The following TIFAB variants were observed in gnomAD, a reference collection of about 807,000 sequenced individuals.
TIFAB encodes the protein TRAF-interacting protein with FHA domain-containing protein B.
For synonymous variants in TIFAB, 116 were observed against 95.2 expected (o/e 1.22, Z -1.27); for missense variants, 222 against 203.6 (o/e 1.09, Z -0.55).
In TIFAB at chr5:135,446,870, A is replaced by C; in HGVS notation, c.*2584T>G. On this transcript the variant is annotated 3_prime_UTR_variant, in exon 2 of 2. Coordinates refer to ENST00000537858, the MANE Select transcript of TIFAB (RefSeq NM_001099221.2). ...GAATTGAACTGCCCCCTCTCGCAGG[A>C]CCCCAGCTGGCAAGGTTTTGTTCCT... 6.2e-7 allele frequency: 1 copy of C among 1,613,804 alleles called. No homozygotes were observed. Among genetic ancestry groups the C allele is most frequent in the East Asian group, 2.2e-5 (1 of 44,866 alleles).
At position 135,446,414 on chromosome 5, in the gene TIFAB, G is replaced by A. The variant is rs760406830; in HGVS notation, c.*3040C>T. ...GGCTGCCCTGCGGTGGGAGCTGAGA[G>A]AATGCAGTGGAGGTTGTTGGGAGGA... On this transcript the variant is annotated 3_prime_UTR_variant, in exon 2 of 2. Coordinates refer to ENST00000537858, the MANE Select transcript of TIFAB (RefSeq NM_001099221.2). 4 of 1,610,572 alleles carry A rather than the reference G, an allele frequency of 2.5e-6. No homozygotes were observed. Among genetic ancestry groups the A allele is most frequent in the African/African-American group, 1.3e-5 (1 of 74,818 alleles).
In TIFAB at chr5:135,449,841, G is replaced by A. The variant is rs373525962; in HGVS notation, c.99C>T (p.Thr33=). 8.7e-6 allele frequency: 14 copies of A among 1,601,366 alleles called. No homozygotes were observed. In the African/African-American group the frequency reaches 9.4e-5, roughly 11 times the overall value. The change falls in exon 2 of 2, where the codon ACC becomes ACT. Residue 33 remains threonine, a synonymous_variant. Coordinates refer to ENST00000537858, the MANE Select transcript of TIFAB (RefSeq NM_001099221.2). ...ANVPPRLQHD[T]SPLLLGRGQD... ...GCCCCCGTCCGAGAAGCAGAGGGCT[G>A]GTATCATGCTGCAGCCGTGGTGGGA... is the stretch of plus-strand genomic sequence containing the variant.
rs1299402396 is a variant in TIFAB at position 135,444,956 on chromosome 5, G to T, written c.*4498C>A. 3 of 152,472 alleles carry T rather than the reference G, an allele frequency of 2.0e-5. No homozygotes were observed. The highest frequency in any genetic ancestry group is 4.4e-5 in the Non-Finnish European group (3 of 68,316). 9.4% of individuals were successfully genotyped at this position (152,472 alleles called of 1,614,324 possible). A position where few individuals can be genotyped will look rare whatever the true frequency, so the allele number is the denominator to read the frequency against. On this transcript the variant is annotated 3_prime_UTR_variant, in exon 2 of 2. Transcript: ENST00000537858. Reference sequence around the variant, plus strand: ...GGAGTGTTGGCACAGTGAGGCGGGTGTTGCAAGTGGACGCGTCGGGGGTGG... The same window carrying T: ...GGAGTGTTGGCACAGTGAGGCGGGTTTTGCAAGTGGACGCGTCGGGGGTGG...
In TIFAB at chr5:135,446,320, T is replaced by C. The variant is rs1769259225; in HGVS notation, c.*3134A>G. ...GAGCAGCGTTCATGTGCACTGTATGTTCGTGTTTAGTGTATGTCTGTGCAT... is the reference window on the plus strand; with the variant it reads ...GAGCAGCGTTCATGTGCACTGTATGCTCGTGTTTAGTGTATGTCTGTGCAT... On this transcript the variant is annotated 3_prime_UTR_variant, in exon 2 of 2. Coordinates refer to ENST00000537858, the MANE Select transcript of TIFAB (RefSeq NM_001099221.2). 5.9e-6 allele frequency: 9 copies of C among 1,537,468 alleles called. No homozygotes were observed. In the East Asian group the frequency reaches 2.0e-4, roughly 35 times the overall value.
At position 135,448,297 on chromosome 5, in the gene TIFAB, G is replaced by A. The variant is rs1016050436; in HGVS notation, c.*1157C>T. 2.0e-5 allele frequency: 3 copies of A among 152,126 alleles called. No homozygotes were observed. Among genetic ancestry groups the A allele is most frequent in the Admixed American group, 6.5e-5 (1 of 15,274 alleles). The allele number at this position is 152,126 out of a possible 1,614,324, so 9.4% of individuals were successfully genotyped here. On this transcript the variant is annotated 3_prime_UTR_variant, in exon 2 of 2. Transcript: ENST00000537858. ...TGCCCTTGGTGCCTCAGATTCCCTG[G>A]AGAGTGGGGTCTGGGATCATGGTGA...
Position 135,446,621 on chromosome 5 carries a change from T to C in TIFAB, c.*2833A>G. 6.2e-7 allele frequency: 1 copy of C among 1,614,032 alleles called. No homozygotes were observed. The highest frequency in any genetic ancestry group is 8.5e-7 in the Non-Finnish European group (1 of 1,179,904). On this transcript the variant is annotated 3_prime_UTR_variant, in exon 2 of 2. Coordinates refer to ENST00000537858, the MANE Select transcript of TIFAB (RefSeq NM_001099221.2). The stretch of plus-strand genomic sequence containing the variant: ...AAATGAAGTCTCGGATGGGCAGAGC[T>C]TAACTGCCTTAAAAACTTGGTACAG...
chr5:135,449,465 CA>C lies in TIFAB; in HGVS notation c.474del (p.Gly159ValfsTer57). ...WEGISQGQPP[P>X]GSG ...GCAACCTGGATCTGCTACCCTGAACCAGGGGGAGGCTGCCCCTGGGAGATGC... is the reference window on the plus strand; with the variant it reads ...GCAACCTGGATCTGCTACCCTGAACCGGGGGAGGCTGCCCCTGGGAGATGC... On this transcript the variant is annotated frameshift_variant, in exon 2 of 2. Transcript: ENST00000537858. LOFTEE classifies it high-confidence loss of function. 6.2e-7 allele frequency: 1 copy of C among 1,613,708 alleles called. No homozygotes were observed. Among genetic ancestry groups the C allele is most frequent in the Non-Finnish European group, 8.5e-7 (1 of 1,179,852 alleles).
In TIFAB at chr5:135,449,768, G is replaced by A; in HGVS notation, c.172C>T (p.Leu58=). Residue 58 remains leucine, a synonymous_variant, in exon 2 of 2, where the codon CTG becomes TTG. Coordinates refer to ENST00000537858, the MANE Select transcript of TIFAB (RefSeq NM_001099221.2). ...LQLPRLSRRH[L]SLEPYLEKGS... ...TTCTCCAGGTAGGGCTCCAGGGACA[G>A]GTGACGGCGGGAGAGGCGAGGGAGC... 6.2e-7 allele frequency: 1 copy of A among 1,613,048 alleles called. No homozygotes were observed. Among genetic ancestry groups the A allele is most frequent in the Non-Finnish European group, 8.5e-7 (1 of 1,179,170 alleles).
At chr5:135,450,236 G>A (rs1769341982) in intron 1 of TIFAB, among the ~76,000 whole-genome samples, 1 of 152,262 alleles carries the variant, frequency 6.6e-6, no homozygotes, top group Non-Finnish European at 1.5e-5. Context: ...CTGGCTTGCA[G>A]GGTGGGGATT....
At position 135,446,669 on chromosome 5, in the gene TIFAB, G is replaced by A; in HGVS notation, c.*2785C>T. 6.2e-7 allele frequency: 1 copy of A among 1,614,002 alleles called. No individual in the cohort carries two copies. The highest frequency in any genetic ancestry group is 1.3e-5 in the African/African-American group (1 of 75,072). ...CAGGGCAAGGTGTGAGTTTCCCGGT[G>A]AGACTGTGTGAACTGTGAACGGGTA... On this transcript the variant is annotated 3_prime_UTR_variant, in exon 2 of 2. Coordinates refer to ENST00000537858, the MANE Select transcript of TIFAB (RefSeq NM_001099221.2).
intron 1 of TIFAB, among the ~76,000 whole-genome samples, chr5:135,451,183 A>C (rs549916977): frequency 6.6e-6 from 1 of 151,614 alleles, no homozygotes; most frequent in Admixed American, 6.7e-5. Flanking sequence ...TGAGAAGCCC[A>C]CACACACACA....
Position 135,449,279 on chromosome 5 carries a change from A to G in TIFAB, c.*175T>C, listed in dbSNP as rs1769324781. ...CAACCTTGCATGATGCAGCTCAAGT[A>G]TTTCAAATCCTGTTTCATCTAGCAA... On this transcript the variant is annotated 3_prime_UTR_variant, in exon 2 of 2. Transcript: ENST00000537858. The G allele has an allele frequency of 2.1e-6, 2 of 956,234 alleles. No homozygotes were observed. Among genetic ancestry groups the G allele is most frequent in the Non-Finnish European group, 3.0e-6 (2 of 662,080 alleles). The allele number at this position is 956,234 out of a possible 1,614,324, so 59.2% of individuals were successfully genotyped here. A position where few individuals can be genotyped will look rare whatever the true frequency, so the allele number is the denominator to read the frequency against.
intron 1 of TIFAB, among the ~76,000 whole-genome samples, chr5:135,450,313 T>G (rs1302223806): frequency 2.0e-5 from 3 of 152,246 alleles, no homozygotes; most frequent in African/African-American, 4.8e-5. Flanking sequence ...GTAGACAGAC[T>G]GGCTACATTT....
In TIFAB at chr5:135,446,235, G is replaced by A; in HGVS notation, c.*3219C>T. On this transcript the variant is annotated 3_prime_UTR_variant, in exon 2 of 2. Coordinates refer to ENST00000537858, the MANE Select transcript of TIFAB (RefSeq NM_001099221.2). ...GTCCAGGATCACAGAACTATAGTAAGTGGGGGTGGGGACAAGAATTCTAAC... is the reference window on the plus strand; with the variant it reads ...GTCCAGGATCACAGAACTATAGTAAATGGGGGTGGGGACAAGAATTCTAAC... The A allele has an allele frequency of 1.0e-6, 1 of 1,001,238 alleles. No individual in the cohort carries two copies. Among genetic ancestry groups the A allele is most frequent in the South Asian group, 1.6e-5 (1 of 62,084 alleles). 62.0% of individuals were successfully genotyped at this position (1,001,238 alleles called of 1,614,324 possible).
At position 135,446,560 on chromosome 5, in the gene TIFAB, T is replaced by C. The variant is rs1431950291; in HGVS notation, c.*2894A>G. On this transcript the variant is annotated 3_prime_UTR_variant, in exon 2 of 2. Transcript: ENST00000537858. ...TAGGAGAAAGTGAAGGTGGGTGCCATGGATCTGATGATTTCAGTGATTTTC... is the reference window on the plus strand; with the variant it reads ...TAGGAGAAAGTGAAGGTGGGTGCCACGGATCTGATGATTTCAGTGATTTTC... The C allele has an allele frequency of 6.2e-7, 1 of 1,613,932 alleles. No homozygotes were observed. The highest frequency in any genetic ancestry group is 8.5e-7 in the Non-Finnish European group (1 of 1,179,860).
Position 135,449,890 on chromosome 5 carries a change from A to C in TIFAB, c.50T>G (p.Leu17Arg). 1 of 1,566,010 alleles carries C rather than the reference A, an allele frequency of 6.4e-7. No homozygotes were observed. The highest frequency in any genetic ancestry group is 8.7e-7 in the Non-Finnish European group (1 of 1,153,990). The part of the protein sequence containing the change: ...VLRVSLYHPT[L>R]GPSAFANVPP... Reference sequence around the variant, plus strand: ...GACATTGGCAAAGGCAGATGGGCCCAGCGTGGGATGGTACAGGCTCACTCG... The same window carrying C: ...GACATTGGCAAAGGCAGATGGGCCCCGCGTGGGATGGTACAGGCTCACTCG... Residue 17 changes from leucine to arginine, a missense_variant, in exon 2 of 2, where the codon CTG (leucine) becomes CGG (arginine). Coordinates refer to ENST00000537858, the MANE Select transcript of TIFAB (RefSeq NM_001099221.2).
rs997107988 is a variant in TIFAB, at chr5:135,444,835, C to T, written c.*4619G>A. 6.6e-6 allele frequency: 1 copy of T among 152,272 alleles called. No individual in the cohort carries two copies. The highest frequency in any genetic ancestry group is 2.4e-5 in the African/African-American group (1 of 41,458). The allele number at this position is 152,272 out of a possible 1,614,324, so 9.4% of individuals were successfully genotyped here. A position where few individuals can be genotyped will look rare whatever the true frequency, so the allele number is the denominator to read the frequency against. On this transcript the variant is annotated 3_prime_UTR_variant, in exon 2 of 2. Coordinates refer to ENST00000537858, the MANE Select transcript of TIFAB (RefSeq NM_001099221.2). ...ATTTGAAGGGATAGGGAAATATTCC[C>T]TCAGTGTCCTGCTGTGAAACTGTTA...
rs1236651351 is a variant in TIFAB, at chr5:135,445,265, T to G, written c.*4189A>C. On this transcript the variant is annotated 3_prime_UTR_variant, in exon 2 of 2. Transcript: ENST00000537858. The stretch of plus-strand genomic sequence containing the variant: ...ACAGAATCCCAAAACCCCAGGGTTC[T>G]GCTTGAGTTAGAGCTACAAAGTCTC... 17 of 152,222 alleles carry G rather than the reference T, an allele frequency of 1.1e-4. No individual in the cohort carries two copies. Among genetic ancestry groups the G allele is most frequent in the Non-Finnish European group, 2.2e-4 (15 of 68,112 alleles). 9.4% of individuals were successfully genotyped at this position (152,222 alleles called of 1,614,324 possible).
chr5:135,446,273 C>G lies in TIFAB; in HGVS notation c.*3181G>C. 7.0e-7 allele frequency: 1 copy of G among 1,432,140 alleles called. No homozygotes were observed. The highest frequency in any genetic ancestry group is 9.4e-7 in the Non-Finnish European group (1 of 1,060,640). 88.7% of individuals were successfully genotyped at this position (1,432,140 alleles called of 1,614,324 possible). ...CAAGAATTCTAACCCAGGCAGCAGT[C>G]TGACCAGAGGGCCCTAGCTGGGAGC... On this transcript the variant is annotated 3_prime_UTR_variant, in exon 2 of 2. Transcript: ENST00000537858.
Sources: allele counts gnomAD v4.1 joint callset (sites outside exome capture counted in the v4.1 genomes callset), GRCh38; gene constraint gnomAD v4.1.1; transcripts MANE v1.5; gene names NCBI Gene and HGNC (gene_info 2026-07-23, HGNC 2026-07-21).